EBF3: variants seen among roughly 807,000 people sequenced by gnomAD.
The protein encoded by EBF3 is EBF transcription factor 3.
A neutral mutation model predicts 77.1 loss-of-function variants in EBF3; 18 were observed. The ratio of observed to expected loss-of-function variants is 0.23; its 90% CI spans 0.16 to 0.35. EBF3 has a LOEUF of 0.35. Among genes scored for constraint, EBF3 ranks in the 10% least tolerant of loss-of-function variants. EBF3 has a pLI of 1.00. For synonymous variants in EBF3, 350 were observed against 343.5 expected, an observed-to-expected ratio of 1.02 and a Z score of -0.21; for missense variants, 558 against 860.0, an observed-to-expected ratio of 0.65 and a Z score of 4.39.
chr10:129,940,946 C>T (rs935857068), intron 6 of EBF3, among the ~76,000 whole-genome samples: 2 of 152,168 alleles, frequency 1.3e-5, no homozygotes, highest in Non-Finnish European at 2.9e-5. Flanking sequence ...CCCCCAGCCT[C>T]GGACTGCCTG....
In EBF3 at chr10:129,963,592, G is replaced by T; in HGVS notation, c.134+43C>A. On this transcript the variant is annotated intron_variant, in intron 1 of 16. Coordinates refer to ENST00000440978, the MANE Select transcript of EBF3 (RefSeq NM_001375380.1). The surrounding 1 kb of genome is among the most constrained non-coding windows in gnomAD (Gnocchi z 7.1). ...CGGCCGGCGGAGGGGGCCGGGCCGG[G>T]CCGGGGCCGGGGCCAGGGCGCGCGG... The T allele has an allele frequency of 1.6e-6, 2 of 1,239,188 alleles. No homozygotes were observed. The highest frequency in any genetic ancestry group is 2.1e-5 in the South Asian group (1 of 46,616). 76.8% of individuals were successfully genotyped at this position (1,239,188 alleles called of 1,614,324 possible). A position where few individuals can be genotyped will look rare whatever the true frequency, so the allele number is the denominator to read the frequency against.
chr10:129,880,492 C>T (rs936518151), intron 6 of EBF3, among the ~76,000 whole-genome samples: 12 of 150,552 alleles, frequency 8.0e-5, no homozygotes, highest in African/African-American at 1.5e-4. Context: ...TACATATGCA[C>T]ACACACATAC....
chr10:129,872,474 T>A (rs1852467612), intron 8 of EBF3, among the ~76,000 whole-genome samples: 1 of 152,240 alleles, frequency 6.6e-6, no homozygotes, highest in African/African-American at 2.4e-5. Context: ...ACGCTGATAA[T>A]CTGCACACGC....
intron 6 of EBF3, among the ~76,000 whole-genome samples, chr10:129,953,621 C>T (rs911934751): frequency 6.6e-6 from 1 of 152,220 alleles, no homozygotes; most frequent in Non-Finnish European, 1.5e-5. Context: ...ACCGCCCCGC[C>T]GAGCCCGCTC....
chr10:129,883,735 T>A (rs1853368860), intron 6 of EBF3, among the ~76,000 whole-genome samples: 2 of 141,004 alleles, frequency 1.4e-5, no homozygotes, highest in African/African-American at 5.3e-5. Flanking sequence ...AAGTCACCGT[T>A]CACTGGTGGT....
At position 129,947,971 on chromosome 10, in the gene EBF3, T is replaced by G. The variant is rs1349116459; in HGVS notation, c.554+9287A>C. 1.3e-5 allele frequency among the ~76,000 whole-genome samples: 2 copies of G among 151,952 alleles called. No homozygotes were observed. Among genetic ancestry groups the G allele is most frequent in the Non-Finnish European group, 2.9e-5 (2 of 67,980 alleles). On this transcript the variant is annotated intron_variant, in intron 6 of 16. Coordinates refer to ENST00000440978, the MANE Select transcript of EBF3 (RefSeq NM_001375380.1). The surrounding 1 kb of genome is among the most constrained non-coding windows in gnomAD (Gnocchi z 4.5). ...CCTACTGCTCAGTGAAAGAAGCCAGTCTGGGTGAGGCACGGTGGCTCACAT... is the reference window on the plus strand; with the variant it reads ...CCTACTGCTCAGTGAAAGAAGCCAGGCTGGGTGAGGCACGGTGGCTCACAT...
At chr10:129,910,029 CA>C (rs1370983238) in intron 6 of EBF3, among the ~76,000 whole-genome samples, 1 of 152,248 alleles carries the variant, frequency 6.6e-6, no homozygotes, top group Admixed American at 6.5e-5. Context: ...CACCAGCAGA[CA>C]GTAAGCAACG....
At chr10:129,843,066 G>C (rs552778282) in intron 12 of EBF3, 71 bp downstream of exon 12, 247 of 1,496,222 alleles carry the variant, frequency 1.7e-4, no homozygotes, top group Middle Eastern at 7.7e-4. Flanking sequence ...GCCCACACTG[G>C]AGCCACGCCG....
chr10:129,936,503 A>C (rs1169219399), intron 6 of EBF3, among the ~76,000 whole-genome samples: 1 of 151,426 alleles, frequency 6.6e-6, no homozygotes, highest in African/African-American at 2.4e-5. Context: ...TGAGGACCCA[A>C]GGGCTATGCA....
At chr10:129,857,024 G>T (rs527904982) in intron 10 of EBF3, among the ~76,000 whole-genome samples, 1 of 152,340 alleles carries the variant, frequency 6.6e-6, no homozygotes, top group South Asian at 2.1e-4. Context: ...ACAGAGCCCA[G>T]CAGTGGGGGA....
chr10:129,912,082 C>A (rs780829783), intron 6 of EBF3, among the ~76,000 whole-genome samples: 17 of 152,214 alleles, frequency 1.1e-4, no homozygotes, highest in Non-Finnish European at 2.4e-4. Context: ...CCCGCTAGGA[C>A]CCACAGGAGC....
At chr10:129,932,982 T>C (rs1857127721) in intron 6 of EBF3, among the ~76,000 whole-genome samples, 1 of 149,596 alleles carries the variant, frequency 6.7e-6, no homozygotes, top group African/African-American at 2.5e-5. Context: ...TACAGTGAGA[T>C]TGCTAATCAG....
Position 129,962,282 on chromosome 10 carries a change from G to A in EBF3, c.356-56C>T, listed in dbSNP as rs146474063. The A allele has an allele frequency of 3.3e-4, 511 of 1,564,770 alleles. 2 individuals are homozygous for A. In the African/African-American group the frequency reaches 5.9e-3, roughly 18 times the overall value. ...GGATTTGAGTGCTGCACCTCGGGGAGGGCACACGGAGCACAGGAAGTCTGT... is the reference window on the plus strand; with the variant it reads ...GGATTTGAGTGCTGCACCTCGGGGAAGGCACACGGAGCACAGGAAGTCTGT... On this transcript the variant is annotated intron_variant, in intron 3 of 16. Coordinates refer to ENST00000440978, the MANE Select transcript of EBF3 (RefSeq NM_001375380.1).
chr10:129,840,436 G>A lies in EBF3; in HGVS notation c.1568C>T (p.Pro523Leu), dbSNP rs1404478635. The A allele has an allele frequency of 1.2e-5, 19 of 1,550,686 alleles. No homozygotes were observed. The highest frequency in any genetic ancestry group is 1.7e-5 in the Non-Finnish European group (19 of 1,146,612). Residue 523 changes from proline (P) to leucine (L), a missense_variant, in exon 15 of 17, where the codon CCG (proline) becomes CTG (leucine). This residue lies in a region of EBF3 where 284 missense variants were observed against 368.3 expected (regional missense o/e 0.77). Coordinates refer to ENST00000440978, the MANE Select transcript of EBF3 (RefSeq NM_001375380.1). ...SSANSPYGIVPSSPTMAASSV... is the reference protein window; with the variant it reads ...SSANSPYGIVLSSPTMAASSV... Reference sequence around the variant, plus strand: ...AGAGGCTGCCATGGTGGGGCTGGACGGCACTACTGCAACAAAGCAAACACG... The same window carrying A: ...AGAGGCTGCCATGGTGGGGCTGGACAGCACTACTGCAACAAAGCAAACACG...
intron 6 of EBF3, among the ~76,000 whole-genome samples, chr10:129,912,928 C>G (rs560114463): frequency 6.6e-6 from 1 of 152,372 alleles, no homozygotes; most frequent in African/African-American, 2.4e-5. Flanking sequence ...TGAAACACAT[C>G]TAAGTCGACC....
Position 129,836,636 on chromosome 10 carries a change from T to TTTA in EBF3, c.*1306_*1307insTAA, listed in dbSNP as rs1554890428. On this transcript the variant is annotated 3_prime_UTR_variant, in exon 17 of 17. Coordinates refer to ENST00000440978, the MANE Select transcript of EBF3 (RefSeq NM_001375380.1). ...GATGGAAAGTCTAAACAATAGCATATTTTTTGAAGTACAAATGAAATGTAA... is the reference window on the plus strand; with the variant it reads ...GATGGAAAGTCTAAACAATAGCATATTTATTTTTGAAGTACAAATGAAATGTAA... The TTTA allele has an allele frequency of 2.2e-5, 2 of 89,394 alleles. No individual in the cohort carries two copies. Among genetic ancestry groups the TTTA allele is most frequent in the Admixed American group, 1.8e-4 (2 of 11,352 alleles). The allele number at this position is 89,394 out of a possible 1,614,324, so 5.5% of individuals were successfully genotyped here.
intron 6 of EBF3, among the ~76,000 whole-genome samples, chr10:129,886,390 A>C (rs778274045): frequency 6.6e-6 from 1 of 152,220 alleles, no homozygotes; most frequent in Non-Finnish European, 1.5e-5. Flanking sequence ...CAAAGCCTTA[A>C]CTTCATTACT....
chr10:129,835,290 A>G lies in EBF3; in HGVS notation c.*2653T>C, dbSNP rs183542347. ...GAGAAAATTACCAAAAGTGAAATTCACAGACAAGAAATACTTTAATTAAAT... is the reference window on the plus strand; with the variant it reads ...GAGAAAATTACCAAAAGTGAAATTCGCAGACAAGAAATACTTTAATTAAAT... On this transcript the variant is annotated 3_prime_UTR_variant, in exon 17 of 17. Coordinates refer to ENST00000440978, the MANE Select transcript of EBF3 (RefSeq NM_001375380.1). 6.5e-6 allele frequency: 1 copy of G among 152,768 alleles called. No homozygotes were observed. Among genetic ancestry groups the G allele is most frequent in the East Asian group, 1.9e-4 (1 of 5,188 alleles). The allele number at this position is 152,768 out of a possible 1,614,324, so 9.5% of individuals were successfully genotyped here.
chr10:129,845,472 C>G (rs778153528), intron 11 of EBF3: 1 of 151,804 alleles, frequency 6.6e-6, no homozygotes, highest in Non-Finnish European at 1.5e-5. Flanking sequence ...GTACAGTGGT[C>G]GACAGCGATT....
Sources: allele counts gnomAD v4.1 joint callset (sites outside exome capture counted in the v4.1 genomes callset), GRCh38; gene constraint gnomAD v4.1.1; regional missense constraint gnomAD v4.1.1; non-coding constraint Gnocchi (gnomAD v3.1); transcripts MANE v1.5; gene names NCBI Gene and HGNC (gene_info 2026-07-23, HGNC 2026-07-21).